ABAT: variants seen among roughly 807,000 people sequenced by gnomAD.
ABAT encodes the protein 4-aminobutyrate aminotransferase.
A neutral mutation model predicts 64.6 loss-of-function variants in ABAT; 45 were observed. That is an observed-to-expected ratio of 0.70 (90% CI 0.55 to 0.89). The LOEUF (loss-of-function observed/expected upper bound fraction) is 0.89, where lower values mean the gene tolerates loss of function less well. Among genes scored for constraint, ABAT ranks in the 40% least tolerant of loss-of-function variants. The pLI is 0.00. For synonymous variants in ABAT, 297 were observed against 250.5 expected (o/e 1.19, Z -1.75); for missense variants, 633 against 658.4 (o/e 0.96, Z 0.42).
intron 1 of ABAT, among the ~76,000 whole-genome samples, chr16:8,688,201 T>A (rs897137434): frequency 6.6e-6 from 1 of 152,130 alleles, no homozygotes; most frequent in Non-Finnish European, 1.5e-5. Context: ...AAAAGTTGAA[T>A]GCTTCCTACC....
Position 8,764,828 on chromosome 16 carries a change from C to A in ABAT, c.538C>A (p.Arg180=), listed in dbSNP as rs746589996. The change falls in exon 8 of 16, where the codon CGG becomes AGG. Residue 180 remains arginine (R), a splice_region_variant and synonymous_variant. Coordinates refer to ENST00000268251, the MANE Select transcript of ABAT (RefSeq NM_020686.6). This position sits in a 1 kb window ranked among gnomAD's most constrained non-coding sequence, Gnocchi z 4.2. ...NALKTIFMWY[R]SKERGQRGFS... ...CTTAAAGACCATCTTCATGTGGTAC[C>A]GGGTGAGGTTTGGGGCACACACACA... The A allele has an allele frequency of 6.2e-7, 1 of 1,611,342 alleles. No individual in the cohort carries two copies. The highest frequency in any genetic ancestry group is 8.5e-7 in the Non-Finnish European group (1 of 1,178,998).
chr16:8,764,170 C>G lies in ABAT; in HGVS notation c.447+21C>G. The G allele has an allele frequency of 1.2e-6, 2 of 1,602,902 alleles. No homozygotes were observed. The highest frequency in any genetic ancestry group is 8.5e-7 in the Non-Finnish European group (1 of 1,171,006). On this transcript the variant is annotated intron_variant, in intron 7 of 15. Transcript: ENST00000268251. The surrounding 1 kb of genome is among the most constrained non-coding windows in gnomAD (Gnocchi z 4.2). Reference sequence around the variant, plus strand: ...TCTCGGTGAGTTCTGGAGAAGCAATCCCATTGTCTTCAGACGTGGTACTGG... The same window carrying G: ...TCTCGGTGAGTTCTGGAGAAGCAATGCCATTGTCTTCAGACGTGGTACTGG...
At chr16:8,681,062 G>A (rs922714767) in intron 1 of ABAT, among the ~76,000 whole-genome samples, 1 of 147,280 alleles carries the variant, frequency 6.8e-6, no homozygotes. Context: ...GCTTACTGCA[G>A]CCTTGACTTC....
chr16:8,742,122 G>A (rs574520964), intron 2 of ABAT, among the ~76,000 whole-genome samples: 22 of 152,218 alleles, frequency 1.4e-4, no homozygotes, highest in Non-Finnish European at 2.4e-4. Flanking sequence ...CCTGGCTTGT[G>A]CCCCATAGCG....
chr16:8,727,353 T>C (rs1042390249), intron 1 of ABAT, among the ~76,000 whole-genome samples: 1 of 152,168 alleles, frequency 6.6e-6, no homozygotes, highest in Non-Finnish European at 1.5e-5. Flanking sequence ...ACACCCACTC[T>C]CACTGTGCAC....
At chr16:8,748,199 A>T in intron 4 of ABAT, 62 bp downstream of exon 4, 2 of 1,478,242 alleles carry the variant, frequency 1.4e-6, no homozygotes, top group Non-Finnish European at 1.9e-6. Context: ...GCTAAAAGAC[A>T]GATGCTTAAT....
chr16:8,700,782 T>A (rs962818099), intron 1 of ABAT, among the ~76,000 whole-genome samples: 14 of 151,950 alleles, frequency 9.2e-5, no homozygotes, highest in Non-Finnish European at 1.6e-4. Context: ...ATTTTTTTTT[T>A]AAATTTAGAG....
chr16:8,688,210 C>T (rs2057501719), intron 1 of ABAT, among the ~76,000 whole-genome samples: 1 of 152,058 alleles, frequency 6.6e-6, no homozygotes, highest in Non-Finnish European at 1.5e-5. Flanking sequence ...ATGCTTCCTA[C>T]CTACAAGACA....
chr16:8,757,880 G>A, intron 6 of ABAT, 74 bp downstream of exon 6: 1 of 1,484,704 alleles, frequency 6.7e-7, no homozygotes, highest in Non-Finnish European at 9.4e-7. Flanking sequence ...GGCAGACTTT[G>A]GCAATAGTCC....
chr16:8,734,707 C>T (rs73499552), intron 1 of ABAT, among the ~76,000 whole-genome samples: 1 of 152,156 alleles, frequency 6.6e-6, no homozygotes, highest in African/African-American at 2.4e-5. Flanking sequence ...TTCTGAGATA[C>T]AAATTTTGTT....
intron 1 of ABAT, among the ~76,000 whole-genome samples, chr16:8,691,028 G>A (rs1263571455): frequency 2.0e-5 from 3 of 150,198 alleles, no homozygotes; most frequent in African/African-American, 7.4e-5. Flanking sequence ...TTTAGAATAA[G>A]TATTGGCAGT....
intron 1 of ABAT, among the ~76,000 whole-genome samples, chr16:8,724,478 T>C (rs902551523): frequency 6.6e-6 from 1 of 152,102 alleles, no homozygotes; most frequent in Non-Finnish European, 1.5e-5. Context: ...ACACCTGTAA[T>C]CCCAGCACTT....
At position 8,737,987 on chromosome 16, in the gene ABAT, AGG is replaced by A. The variant is rs1491501000; in HGVS notation, c.70+2179_70+2180del. Among the ~76,000 whole-genome samples, 126 of 62,858 alleles carry A rather than the reference AGG, an allele frequency of 2.0e-3. 15 individuals are homozygous for A. The highest frequency in any genetic ancestry group is 8.5e-3 in the African/African-American group (107 of 12,550). 41.2% of individuals were successfully genotyped at this position (62,858 alleles called of 152,430 possible). ...AAGGAAGGAAGGAAGGAAGGAAGGAAGGAGGAAAGAAAGAAAGAAAGAAAGAA... is the reference window on the plus strand; with the variant it reads ...AAGGAAGGAAGGAAGGAAGGAAGGAAAGGAAAGAAAGAAAGAAAGAAAGAA... On this transcript the variant is annotated intron_variant, in intron 2 of 15. Transcript: ENST00000268251.
rs369478103 is a variant in ABAT, at chr16:8,768,928, G to C, written c.771G>C (p.Glu257Asp). ...CACGGCTGAAATACCCTCTGGAAGA[G>C]TTTGTGAAAGAGAACCAACAGGAGG... Reference protein sequence around the residue: ...PFPRLKYPLEEFVKENQQEEA... With the variant: ...PFPRLKYPLEDFVKENQQEEA... Residue 257 changes from glutamate (E) to aspartate (D), a missense_variant, in exon 11 of 16, where the codon GAG becomes GAC. By Grantham distance (45) the Glu-to-Asp change is conservative. Coordinates refer to ENST00000268251, the MANE Select transcript of ABAT (RefSeq NM_020686.6). 3.4e-5 allele frequency: 55 copies of C among 1,614,074 alleles called. No individual in the cohort carries two copies. The highest frequency in any genetic ancestry group is 4.4e-5 in the Non-Finnish European group (52 of 1,180,044).
Position 8,772,873 on chromosome 16 carries a change from G to A in ABAT, c.910G>A (p.Ala304Thr), listed in dbSNP as rs755435740. Residue 304 changes from alanine (A) to threonine (T), a missense_variant, in exon 12 of 16, where the codon GCA becomes ACA. Coordinates refer to ENST00000268251, the MANE Select transcript of ABAT (RefSeq NM_020686.6). ...CCAGTCCGAGGGTGGAGACAACCAC[G>A]CATCCGATGACTTCTTTCGGAAGCT... ...PIQSEGGDNH[A>T]SDDFFRKLRD... The A allele has an allele frequency of 3.1e-6, 5 of 1,614,006 alleles. No individual in the cohort carries two copies. The highest frequency in any genetic ancestry group is 1.1e-5 in the South Asian group (1 of 91,072).
intron 6 of ABAT, 51 bp downstream of exon 6, chr16:8,757,857 C>T: frequency 1.3e-6 from 2 of 1,565,642 alleles, no homozygotes; most frequent in Non-Finnish European, 1.8e-6. Context: ...CATGGCCATT[C>T]ACAGAATCAC....
At position 8,712,378 on chromosome 16, in the gene ABAT, C is replaced by T. The variant is rs951759467; in HGVS notation, c.-41-23321C>T. Among the ~76,000 whole-genome samples, 7 of 152,184 alleles carry T rather than the reference C, an allele frequency of 4.6e-5. No homozygotes were observed. In the South Asian group the frequency reaches 1.0e-3, roughly 23 times the overall value. ...ATCAAAAACAGGATGTGATAAAGCA[C>T]ATGTGGTAATCATGTTAATGGTAGA... On this transcript the variant is annotated intron_variant, in intron 1 of 15. Coordinates refer to ENST00000268251, the MANE Select transcript of ABAT (RefSeq NM_020686.6).
At position 8,688,997 on chromosome 16, in the gene ABAT, T is replaced by C. The variant is rs184176824; in HGVS notation, c.-42+14286T>C. Among the ~76,000 whole-genome samples, 567 of 151,952 alleles carry C rather than the reference T, an allele frequency of 3.7e-3. 1 individual carries two copies. Among genetic ancestry groups the C allele is most frequent in the Non-Finnish European group, 6.3e-3 (430 of 67,976 alleles). ...TGGGAGGCTGAGGCAGGAGAATCAC[T>C]TGAACCCAGAAGGCAGAGGTTGCAG... On this transcript the variant is annotated intron_variant, in intron 1 of 15. Transcript: ENST00000268251.
chr16:8,690,639 C>G lies in ABAT; in HGVS notation c.-42+15928C>G, dbSNP rs12596289. Among the ~76,000 whole-genome samples the G allele has an allele frequency of 2.3e-3, 346 of 152,224 alleles. 8 individuals carry two copies. The East Asian group carries it at 0.055, about 24-fold the overall frequency. ...CCGATGATTTATCCAGATCTAAGAC[C>G]CTCATCTCATTCTCGGCAGTGCCTT... On this transcript the variant is annotated intron_variant, in intron 1 of 15. Transcript: ENST00000268251.
Sources: allele counts gnomAD v4.1 joint callset (sites outside exome capture counted in the v4.1 genomes callset), GRCh38; gene constraint gnomAD v4.1.1; non-coding constraint Gnocchi (gnomAD v3.1); transcripts MANE v1.5; gene names NCBI Gene and HGNC (gene_info 2026-07-23, HGNC 2026-07-21).